Variants in LONRF2 observed in about 807,000 individuals in gnomAD.
The protein encoded by LONRF2 is LON peptidase N-terminal domain and RING finger protein 2.
Under a neutral mutation model 66.6 loss-of-function variants are expected in LONRF2, and 35 were observed. That is an observed-to-expected ratio of 0.53 (90% CI 0.40 to 0.70). LONRF2 has a LOEUF of 0.70. Among genes scored for constraint, LONRF2 ranks in the 30% least tolerant of loss-of-function variants. LONRF2 has a pLI of 0.00. For missense variants in LONRF2, 902 were observed against 1,002.1 expected (o/e 0.90, Z 1.35); for synonymous variants, 417 against 418.1 (o/e 1.00, Z 0.03).
At chr2:100,305,965 T>A (rs1675281646) in intron 2 of LONRF2, among the ~76,000 whole-genome samples, 1 of 152,196 alleles carries the variant, frequency 6.6e-6, no homozygotes, top group Non-Finnish European at 1.5e-5. Flanking sequence ...CTCGGCTCAC[T>A]GCAACCTCCA....
At chr2:100,288,733 G>A (rs533181450) in intron 10 of LONRF2, among the ~76,000 whole-genome samples, 10 of 152,316 alleles carry the variant, frequency 6.6e-5, no homozygotes, top group East Asian at 5.8e-4. Flanking sequence ...GTATGTGTTC[G>A]TCCTGTGTCT....
At chr2:100,315,214 A>G (rs558774777) in intron 1 of LONRF2, among the ~76,000 whole-genome samples, 191 of 152,300 alleles carry the variant, frequency 1.3e-3, no homozygotes, top group Middle Eastern at 3.4e-3. Flanking sequence ...ATTCCAAGGA[A>G]TTTGTTTACA....
rs1674524751 is a variant in LONRF2, at chr2:100,272,681, CA to C, written c.*11616del. On this transcript the variant is annotated 3_prime_UTR_variant, in exon 12 of 12. Coordinates refer to ENST00000393437, the MANE Select transcript of LONRF2 (RefSeq NM_198461.4). ...TTGTAATTTATGCCTCTAAAAATTC[CA>C]AATAAATATATGCTTTCATAGTTAA... Among the ~76,000 whole-genome samples, 4 of 152,034 alleles carry C rather than the reference CA, an allele frequency of 2.6e-5. No individual in the cohort carries two copies. In the South Asian group the frequency reaches 6.2e-4, roughly 24 times the overall value.
At chr2:100,300,407 C>T (rs1374628735) in intron 4 of LONRF2, among the ~76,000 whole-genome samples, 3 of 152,012 alleles carry the variant, frequency 2.0e-5, no homozygotes, top group African/African-American at 4.8e-5. Flanking sequence ...AGTCTCCTGC[C>T]GTTTGGGGTG....
intron 1 of LONRF2, among the ~76,000 whole-genome samples, chr2:100,320,198 G>A (rs987400103): frequency 6.6e-6 from 1 of 152,162 alleles, no homozygotes; most frequent in African/African-American, 2.4e-5. Flanking sequence ...CCCTTTTAAT[G>A]TAGCTACAAG....
At chr2:100,306,662 C>T (rs904298933) in intron 2 of LONRF2, among the ~76,000 whole-genome samples, 7 of 152,104 alleles carry the variant, frequency 4.6e-5, no homozygotes, top group Non-Finnish European at 1.0e-4. Context: ...GGCAGTTTTG[C>T]TTGAGTGAGA....
rs1350410127 is a variant in LONRF2, at chr2:100,282,088, AT to A, written c.*2209del. The stretch of plus-strand genomic sequence containing the variant: ...GTTAATTCCCTCTGGTATCAAAAAA[AT>A]AAAAACCTATCAAAAAATAAAAACG... On this transcript the variant is annotated 3_prime_UTR_variant, in exon 12 of 12. Transcript: ENST00000393437. The A allele has an allele frequency of 6.6e-6, 1 of 152,234 alleles. No homozygotes were observed. The highest frequency in any genetic ancestry group is 2.4e-5 in the African/African-American group (1 of 41,452). The allele number at this position is 152,234 out of a possible 1,614,324, so 9.4% of individuals were successfully genotyped here. A position where few individuals can be genotyped will look rare whatever the true frequency, so the allele number is the denominator to read the frequency against.
At chr2:100,287,450 T>C (rs1206165514) in intron 10 of LONRF2, among the ~76,000 whole-genome samples, 2 of 152,212 alleles carry the variant, frequency 1.3e-5, no homozygotes, top group African/African-American at 2.4e-5. Flanking sequence ...AAAGTTGTTT[T>C]GTTTTGTTTT....
At chr2:100,285,352 G>A (rs1228762267) in intron 11 of LONRF2, among the ~76,000 whole-genome samples, 1 of 152,094 alleles carries the variant, frequency 6.6e-6, no homozygotes. Flanking sequence ...GAGGTAGAAA[G>A]GCACAGATGG....
At chr2:100,288,635 ACAAAG>A (rs941391456) in intron 10 of LONRF2, among the ~76,000 whole-genome samples, 1 of 152,198 alleles carries the variant, frequency 6.6e-6, no homozygotes, top group African/African-American at 2.4e-5. Flanking sequence ...CCAGTCAATT[ACAAAG>A]CCAACCCCAC....
At position 100,321,475 on chromosome 2, in the gene LONRF2, G is replaced by C. The variant is rs1458892076; in HGVS notation, c.619C>G (p.Leu207Val). ...GCCTCCGGCTGCTGCTGGCGCTGCA[G>C]GCTCCGCGCCTGGCCTGCCAGCCTG... The part of the protein sequence containing the change: ...LRRLAGQARS[L>V]QRQQQPEAAL... The change falls in exon 1 of 12, where the codon CTG (leucine) becomes GTG (valine). Residue 207 changes from leucine to valine, a missense_variant. By Grantham distance (32) the Leu-to-Val change is conservative. This residue lies in a region of LONRF2 where 585 missense variants were observed against 569.9 expected (regional missense o/e 1.03). Transcript: ENST00000393437. The C allele has an allele frequency of 1.3e-6, 2 of 1,514,302 alleles. No homozygotes were observed. The highest frequency in any genetic ancestry group is 1.8e-6 in the Non-Finnish European group (2 of 1,142,834). The allele number at this position is 1,514,302 out of a possible 1,614,324, so 93.8% of individuals were successfully genotyped here. A position where few individuals can be genotyped will look rare whatever the true frequency, so the allele number is the denominator to read the frequency against.
chr2:100,301,397 G>C (rs1007126772), intron 3 of LONRF2, among the ~76,000 whole-genome samples: 3 of 152,196 alleles, frequency 2.0e-5, no homozygotes, highest in African/African-American at 7.2e-5. Context: ...TGCATCCAAG[G>C]CTTGAGGAAA....
chr2:100,285,551 G>A (rs1193528965), intron 11 of LONRF2, among the ~76,000 whole-genome samples: 2 of 152,306 alleles, frequency 1.3e-5, no homozygotes, highest in East Asian at 1.9e-4. Context: ...GGAATTGGAG[G>A]ATGTGATTCA....
Position 100,300,708 on chromosome 2 carries a change from G to A in LONRF2, c.1001C>T (p.Ala334Val). Residue 334 changes from alanine (A) to valine (V), a missense_variant, in exon 4 of 12, where the codon GCT (alanine) becomes GTT (valine). Coordinates refer to ENST00000393437, the MANE Select transcript of LONRF2 (RefSeq NM_198461.4). Reference protein sequence around the residue: ...LTSSIQSRLKAQGHSHMNAQA... With the variant: ...LTSSIQSRLKVQGHSHMNAQA... ...GGCATTCATGTGGCTGTGACCCTGA[G>A]CCTTTAATCTGCTTTGGATGGAAGA... The A allele has an allele frequency of 2.5e-6, 4 of 1,613,768 alleles. No individual in the cohort carries two copies. Among genetic ancestry groups the A allele is most frequent in the Non-Finnish European group, 2.5e-6 (3 of 1,179,888 alleles).
At chr2:100,308,978 T>C (rs752446843) in intron 2 of LONRF2, 129 bp downstream of exon 2, 64 of 576,726 alleles carry the variant, frequency 1.1e-4, no homozygotes, top group Non-Finnish European at 1.7e-4. Flanking sequence ...TTGCTAAACG[T>C]AGGCTACAGT....
chr2:100,295,589 A>T lies in LONRF2; in HGVS notation c.1477-36T>A. 2.5e-6 allele frequency: 4 copies of T among 1,597,242 alleles called. No homozygotes were observed. In the South Asian group the frequency reaches 4.5e-5, roughly 18 times the overall value. On this transcript the variant is annotated intron_variant, in intron 7 of 11. Transcript: ENST00000393437. ...AAAAAGTCAAATGATACTGTATGGT[A>T]ATTGATTCTAAAGGACGAAGCTTCC... is the stretch of plus-strand genomic sequence containing the variant.
intron 11 of LONRF2, among the ~76,000 whole-genome samples, chr2:100,286,705 A>G (rs1674852180): frequency 6.6e-6 from 1 of 152,200 alleles, no homozygotes; most frequent in African/African-American, 2.4e-5. Flanking sequence ...AAAAGAAATT[A>G]TGTTCTGTTA....
Position 100,290,325 on chromosome 2 carries a change from C to T in LONRF2, c.1853G>A (p.Arg618Gln), listed in dbSNP as rs926357274. The T allele has an allele frequency of 5.6e-6, 9 of 1,614,028 alleles. No individual in the cohort carries two copies. Among genetic ancestry groups the T allele is most frequent in the Non-Finnish European group, 7.6e-6 (9 of 1,180,034 alleles). Reference sequence around the variant, plus strand: ...ATCTCTGTGGCGGTGGCTTAGCACTCGGAACCGACTGATGCCAATCGCGTC... The same window carrying T: ...ATCTCTGTGGCGGTGGCTTAGCACTTGGAACCGACTGATGCCAATCGCGTC... ...VVDAIGISRF[R>Q]VLSHRHRDGY... The change falls in exon 10 of 12, where the codon CGA (arginine) becomes CAA (glutamine). Residue 618 changes from arginine (R) to glutamine (Q), a missense_variant. Around this residue, in one of 2 missense-constraint regions of LONRF2, gnomAD observed 317 missense variants for 432.2 expected, o/e 0.73. Transcript: ENST00000393437.
chr2:100,289,672 G>A (rs919338553), intron 10 of LONRF2, among the ~76,000 whole-genome samples: 31 of 152,178 alleles, frequency 2.0e-4, no homozygotes, highest in African/African-American at 6.3e-4. Flanking sequence ...TCCTGACCTC[G>A]TGACCTGCCC....
Sources: allele counts gnomAD v4.1 joint callset (sites outside exome capture counted in the v4.1 genomes callset), GRCh38; gene constraint gnomAD v4.1.1; regional missense constraint gnomAD v4.1.1; transcripts MANE v1.5; gene names NCBI Gene and HGNC (gene_info 2026-07-23, HGNC 2026-07-21).